EXTL3: variants seen among roughly 807,000 people sequenced by gnomAD.
EXTL3 encodes the protein exostosin like glycosyltransferase 3.
EXTL3 carries 27 observed loss-of-function variants against 69.3 expected under a neutral mutation model. The ratio of observed to expected loss-of-function variants is 0.39; its 90% CI spans 0.29 to 0.54. The LOEUF (loss-of-function observed/expected upper bound fraction) is 0.54, where lower values mean the gene tolerates loss of function less well. Ranked by LOEUF, EXTL3 falls within the 20% of genes least tolerant of loss-of-function variation. The pLI, the probability that EXTL3 is intolerant of heterozygous loss-of-function variation, is 0.69. For synonymous variants in EXTL3, 511 were observed against 499.4 expected (o/e 1.02, Z -0.31); for missense variants, 1,003 against 1,231.8 (o/e 0.81, Z 2.78).
chr8:28,654,518 A>G (rs1806974760), intron 1 of EXTL3, among the ~76,000 whole-genome samples: 1 of 151,844 alleles, frequency 6.6e-6, no homozygotes, highest in Admixed American at 6.6e-5. Flanking sequence ...AGCTAGGACT[A>G]CTCACCATCA....
chr8:28,675,075 C>G (rs1807357820), intron 1 of EXTL3, among the ~76,000 whole-genome samples: 1 of 152,104 alleles, frequency 6.6e-6, no homozygotes, highest in African/African-American at 2.4e-5. Context: ...TAAATTTCTA[C>G]AGACAGAAAT....
upstream of EXTL3, chr8:28,701,197 CG>C (rs1045291320): frequency 2.0e-5 from 3 of 152,218 alleles, no homozygotes; most frequent in African/African-American, 4.8e-5. Context: ...GAGTCAGACC[CG>C]GTTCCCACGC....
intron 1 of EXTL3, among the ~76,000 whole-genome samples, chr8:28,625,775 C>A (rs1277124151): frequency 6.6e-6 from 1 of 151,994 alleles, no homozygotes; most frequent in African/African-American, 2.4e-5. Context: ...CTGAAAAAAT[C>A]AGTGCCTGAA....
chr8:28,686,182 T>C (rs1807574420), intron 1 of EXTL3, among the ~76,000 whole-genome samples: 1 of 152,016 alleles, frequency 6.6e-6, no homozygotes, highest in African/African-American at 2.4e-5. Flanking sequence ...TGCGTATATG[T>C]AAAAAATAGT....
In EXTL3 at chr8:28,607,928, C is replaced by T. The variant is rs371882599; in HGVS notation, n.314+170C>T. Among the ~76,000 whole-genome samples the T allele has an allele frequency of 7.2e-4, 109 of 151,922 alleles. 1 individual carries two copies. The East Asian group carries it at 0.017, about 24-fold the overall frequency. ...GAGATCGAGACCATCCTGGCTAACA[C>T]CATGAAACCCCGTCTCTACTAAATA... On this transcript the variant is annotated intron_variant and non_coding_transcript_variant, in intron 2 of 4. Coordinates refer to the EXTL3 transcript ENST00000522725.
At chr8:28,715,380 C>T (rs972511094) in intron 2 of EXTL3, among the ~76,000 whole-genome samples, 3 of 152,124 alleles carry the variant, frequency 2.0e-5, no homozygotes, top group Non-Finnish European at 4.4e-5. Context: ...CTTTTTGGGG[C>T]ACTTATCCAT....
chr8:28,665,238 C>T (rs1807177839), intron 1 of EXTL3, among the ~76,000 whole-genome samples: 2 of 150,900 alleles, frequency 1.3e-5, no homozygotes, highest in African/African-American at 4.9e-5. Context: ...CCATGCCTGA[C>T]TCATTTTTGT....
chr8:28,710,140 A>G (rs948959697), intron 1 of EXTL3, among the ~76,000 whole-genome samples: 3 of 152,238 alleles, frequency 2.0e-5, no homozygotes, highest in African/African-American at 4.8e-5. Context: ...AGACACTGTC[A>G]TGATCCTGTT....
At chr8:28,615,799 C>T (rs1302747065) in intron 2 of EXTL3, among the ~76,000 whole-genome samples, 5 of 151,848 alleles carry the variant, frequency 3.3e-5, no homozygotes, top group Admixed American at 3.3e-4. Context: ...GTCTCAAACT[C>T]CTAACCTCAA....
Position 28,717,804 on chromosome 8 carries a change from C to T in EXTL3, c.1745C>T (p.Pro582Leu), listed in dbSNP as rs372319537. ...GACCTGGGGCCAGTGGAGACGGAGC[C>T]GCCCTACGCCTCACCCAGATACCTC... is the stretch of plus-strand genomic sequence containing the variant. Reference protein sequence around the residue: ...DLDLGPVETEPPYASPRYLRN... With the variant: ...DLDLGPVETELPYASPRYLRN... The change falls in exon 3 of 7, where the codon CCG (proline) becomes CTG (leucine). Residue 582 changes from proline (P) to leucine (L), a missense_variant. Physicochemically the swap from Pro to Leu is moderately conservative, Grantham distance 98. Transcript: ENST00000220562. This position sits in a 1 kb window ranked among gnomAD's most constrained non-coding sequence, Gnocchi z 8.3. 2.8e-5 allele frequency: 45 copies of T among 1,611,824 alleles called. No individual in the cohort carries two copies. The Admixed American group carries it at 6.0e-4, about 22-fold the overall frequency.
At chr8:28,710,439 T>A (rs1210907117) in intron 1 of EXTL3, 1 of 456,026 alleles carries the variant, frequency 2.2e-6, no homozygotes, top group Non-Finnish European at 4.4e-6. Context: ...AAATGCAGAC[T>A]GACTTAATAT....
intron 1 of EXTL3, among the ~76,000 whole-genome samples, chr8:28,640,171 T>C (rs1806720487): frequency 6.6e-6 from 1 of 151,830 alleles, no homozygotes; most frequent in Admixed American, 6.6e-5. Context: ...ATTTGCTTTA[T>C]TTTGTGAAAT....
chr8:28,629,478 C>G (rs1806541805), intron 1 of EXTL3, among the ~76,000 whole-genome samples: 1 of 152,000 alleles, frequency 6.6e-6, no homozygotes, highest in Admixed American at 6.6e-5. Flanking sequence ...TCTCCAATTT[C>G]TAGTTTTTCT....
intron 1 of EXTL3, among the ~76,000 whole-genome samples, chr8:28,686,188 A>T (rs984979265): frequency 6.6e-6 from 1 of 152,108 alleles, no homozygotes; most frequent in African/African-American, 2.4e-5. Flanking sequence ...TATGTAAAAA[A>T]TAGTTTTAAA....
intron 1 of EXTL3, among the ~76,000 whole-genome samples, chr8:28,684,337 T>C (rs888766522): frequency 6.6e-6 from 1 of 152,234 alleles, no homozygotes; most frequent in African/African-American, 2.4e-5. Context: ...ATTTTTAGTT[T>C]TTTGAGGAAC....
intron 1 of EXTL3, among the ~76,000 whole-genome samples, chr8:28,689,896 T>A (rs564974152): frequency 2.6e-5 from 4 of 152,124 alleles, no homozygotes; most frequent in Non-Finnish European, 5.9e-5. Flanking sequence ...ACAAGAAAAG[T>A]AGAAAAAGCA....
intron 1 of EXTL3, among the ~76,000 whole-genome samples, chr8:28,659,667 T>C (rs1313921925): frequency 3.3e-5 from 5 of 152,178 alleles, no homozygotes; most frequent in Non-Finnish European, 7.4e-5. Context: ...GCAAGTCTAA[T>C]TGCTGCCGGT....
At chr8:28,737,951 T>TA (rs36083954) in intron 5 of EXTL3, among the ~76,000 whole-genome samples, 47,562 of 151,978 alleles carry the variant, frequency 0.31, 7,617 homozygotes, top group African/African-American at 0.39. Context: ...GGCACTGGGC[T>TA]AAAGACACCT....
At chr8:28,643,575 C>T (rs565901341) in intron 1 of EXTL3, among the ~76,000 whole-genome samples, 14 of 151,648 alleles carry the variant, frequency 9.2e-5, no homozygotes, top group East Asian at 7.8e-4. Context: ...CTACCACACC[C>T]GGCTAATTTT....
Sources: gnomAD v4.1 joint callset for allele counts (sites outside exome capture counted in the v4.1 genomes callset) on GRCh38, gnomAD v4.1.1 for gene constraint, Gnocchi (gnomAD v3.1) non-coding constraint, MANE v1.5 for transcripts, NCBI Gene and HGNC (gene_info 2026-07-23, HGNC 2026-07-21) for gene names.